The following VPS50 variants were observed in gnomAD, a reference collection of about 807,000 sequenced individuals.
VPS50 encodes the protein syndetin.
In VPS50, 70 loss-of-function variants were observed where a neutral mutation model predicts 139.7. The observed-to-expected ratio is 0.50, with a 90% CI of 0.41 to 0.61. VPS50 has a LOEUF of 0.61. Among genes scored for constraint, VPS50 ranks in the 20% least tolerant of loss-of-function variants. The pLI is 0.00. For missense variants in VPS50, 921 were observed against 1,133.7 expected, an observed-to-expected ratio of 0.81 and a Z score of 2.69; for synonymous variants, 365 against 376.7, an observed-to-expected ratio of 0.97 and a Z score of 0.36.
chr7:93,310,344 A>G (rs939233691), intron 19 of VPS50, among the ~76,000 whole-genome samples: 1 of 152,012 alleles, frequency 6.6e-6, no homozygotes, highest in Non-Finnish European at 1.5e-5. Flanking sequence ...GTATTTTACC[A>G]CTACCATTCT....
chr7:93,240,988 A>G (rs1794971293), intron 2 of VPS50, among the ~76,000 whole-genome samples: 2 of 152,188 alleles, frequency 1.3e-5, no homozygotes, highest in African/African-American at 4.8e-5. Flanking sequence ...AATGTTATTA[A>G]AAATTAATGA....
At chr7:93,315,351 G>A (rs1797394855) in intron 20 of VPS50, among the ~76,000 whole-genome samples, 1 of 152,102 alleles carries the variant, frequency 6.6e-6, no homozygotes, top group Non-Finnish European at 1.5e-5. Flanking sequence ...AACTGCCACA[G>A]CAAGTATCCT....
intron 6 of VPS50, chr7:93,257,891 G>T: frequency 3.4e-6 from 1 of 296,126 alleles, no homozygotes; most frequent in Non-Finnish European, 6.1e-6. Context: ...GTCAGTTTTT[G>T]CACTGTGTTT....
intron 20 of VPS50, among the ~76,000 whole-genome samples, chr7:93,311,768 T>G (rs765356468): frequency 5.3e-5 from 8 of 152,136 alleles, no homozygotes; most frequent in Non-Finnish European, 8.8e-5. Flanking sequence ...TTGATGATTT[T>G]GTAGAAGGCA....
chr7:93,246,518 A>T (rs1276439307), intron 2 of VPS50, among the ~76,000 whole-genome samples: 1 of 151,900 alleles, frequency 6.6e-6, no homozygotes, highest in African/African-American at 2.4e-5. Flanking sequence ...TTGAATAAAA[A>T]CTAGTACTGA....
intron 20 of VPS50, among the ~76,000 whole-genome samples, chr7:93,320,178 T>C (rs979819401): frequency 6.6e-6 from 1 of 152,150 alleles, no homozygotes; most frequent in Non-Finnish European, 1.5e-5. Flanking sequence ...AAATTCGGAC[T>C]CGGAACTTTG....
intron 27 of VPS50, 146 bp from the exon 28 acceptor site, chr7:93,358,171 T>C: frequency 1.4e-6 from 1 of 697,664 alleles, no homozygotes; most frequent in Non-Finnish European, 2.5e-6. Context: ...GCCTTCCATG[T>C]CCCAACTGTA....
At chr7:93,283,906 A>G (rs1796404709) in intron 12 of VPS50, among the ~76,000 whole-genome samples, 2 of 152,152 alleles carry the variant, frequency 1.3e-5, no homozygotes, top group African/African-American at 2.4e-5. Flanking sequence ...GGTTGTTTCT[A>G]ATGCACCCAG....
intron 21 of VPS50, among the ~76,000 whole-genome samples, chr7:93,328,944 G>A (rs1189393664): frequency 6.6e-6 from 1 of 152,010 alleles, no homozygotes; most frequent in South Asian, 2.1e-4. Flanking sequence ...TATAAACGGA[G>A]ACCAAAGCTG....
In VPS50 at chr7:93,253,938, A is replaced by C; in HGVS notation, c.297+7A>C. ...GAAACAACAGCAAGCTGCAGTAAGTAAAAAAAAAACACATTTCTTTCTGGC... is the reference window on the plus strand; with the variant it reads ...GAAACAACAGCAAGCTGCAGTAAGTCAAAAAAAAACACATTTCTTTCTGGC... On this transcript the variant is annotated splice_region_variant and intron_variant, in intron 4 of 27. Transcript: ENST00000305866. 1 of 1,337,148 alleles carries C rather than the reference A, an allele frequency of 7.5e-7. No homozygotes were observed. Among genetic ancestry groups the C allele is most frequent in the South Asian group, 1.4e-5 (1 of 69,998 alleles). 82.8% of individuals were successfully genotyped at this position (1,337,148 alleles called of 1,614,324 possible).
In VPS50 at chr7:93,359,662, T is replaced by C. The variant is rs1798794869; in HGVS notation, c.*1226T>C. The C allele has an allele frequency of 6.6e-6, 1 of 152,106 alleles. No homozygotes were observed. The allele number at this position is 152,106 out of a possible 1,614,324, so 9.4% of individuals were successfully genotyped here. On this transcript the variant is annotated 3_prime_UTR_variant, in exon 28 of 28. Coordinates refer to ENST00000305866, the MANE Select transcript of VPS50 (RefSeq NM_017667.4). ...CCTGTAACATCAACAGCTCACAGAATCCTAAGGAATCATGTGAGAAACAGG... is the reference window on the plus strand; with the variant it reads ...CCTGTAACATCAACAGCTCACAGAACCCTAAGGAATCATGTGAGAAACAGG...
chr7:93,270,872 A>T lies in VPS50; in HGVS notation c.660-348A>T, dbSNP rs550445738. On this transcript the variant is annotated intron_variant, in intron 9 of 27. Transcript: ENST00000305866. ...ATAAAAATAAAGGGCAAAAGTCTTC[A>T]GATCACTGAGAAAGAGGATATTCAA... 2.0e-5 allele frequency among the ~76,000 whole-genome samples: 3 copies of T among 152,126 alleles called. No individual in the cohort carries two copies. The South Asian group carries it at 6.2e-4, about 31-fold the overall frequency.
intron 2 of VPS50, among the ~76,000 whole-genome samples, chr7:93,248,581 A>G (rs900510613): frequency 2.0e-5 from 3 of 152,036 alleles, no homozygotes; most frequent in South Asian, 2.1e-4. Flanking sequence ...ACAAGAGCAT[A>G]TTGTCTTTTC....
intron 12 of VPS50, among the ~76,000 whole-genome samples, chr7:93,278,469 T>C (rs1796225499): frequency 6.7e-6 from 1 of 150,054 alleles, no homozygotes; most frequent in Non-Finnish European, 1.5e-5. Flanking sequence ...TAGTGGCGCA[T>C]GCCTGTAATC....
chr7:93,246,587 A>G (rs1321597073), intron 2 of VPS50, among the ~76,000 whole-genome samples: 3 of 151,892 alleles, frequency 2.0e-5, no homozygotes, highest in African/African-American at 4.8e-5. Flanking sequence ...TTACTTTTCA[A>G]AATTGCAGAA....
chr7:93,355,861 T>C (rs757960889), intron 26 of VPS50, 30 bp from the exon 27 acceptor site: 13 of 1,401,548 alleles, frequency 9.3e-6, no homozygotes, highest in Non-Finnish European at 1.3e-5. Flanking sequence ...TATCCTATAA[T>C]GTATTTTTTT....
intron 20 of VPS50, among the ~76,000 whole-genome samples, chr7:93,322,731 G>T (rs189279451): frequency 1.6e-3 from 246 of 151,998 alleles, no homozygotes; most frequent in Non-Finnish European, 2.4e-3. Flanking sequence ...TTCTGTAGAA[G>T]AAAGTATAGA....
chr7:93,236,710 G>A (rs1794811652), intron 1 of VPS50, among the ~76,000 whole-genome samples: 1 of 152,148 alleles, frequency 6.6e-6, no homozygotes, highest in South Asian at 2.1e-4. Context: ...TCATTTGTTA[G>A]TAGAAGTTTA....
intron 16 of VPS50, among the ~76,000 whole-genome samples, chr7:93,302,287 T>C (rs73415389): frequency 0.056 from 8,501 of 152,112 alleles, 468 homozygotes; most frequent in African/African-American, 0.14. Flanking sequence ...TTCTATCCAA[T>C]TGCCTGCATA....
Sources: gnomAD v4.1 joint callset for allele counts (sites outside exome capture counted in the v4.1 genomes callset) on GRCh38, gnomAD v4.1.1 for gene constraint, MANE v1.5 for transcripts, NCBI Gene and HGNC (gene_info 2026-07-23, HGNC 2026-07-21) for gene names.